THSD4: variants seen among roughly 807,000 people sequenced by gnomAD.
THSD4 encodes the protein thrombospondin type 1 domain containing 4.
THSD4 carries 69 observed loss-of-function variants against 119.0 expected under a neutral mutation model. The ratio of observed to expected loss-of-function variants is 0.58; its 90% confidence interval spans 0.48 to 0.71. The LOEUF (loss-of-function observed/expected upper bound fraction) is 0.71, where lower values mean the gene tolerates loss of function less well. Ranked by LOEUF, THSD4 falls within the 30% of genes least tolerant of loss-of-function variation. The probability of loss-of-function intolerance (pLI) is 0.00; values close to 1 mark genes in which losing one functional copy is unlikely to be tolerated. For synonymous variants in THSD4, 524 were observed against 540.4 expected (o/e 0.97, Z 0.42); for missense variants, 1,393 against 1,391.1 (o/e 1.00, Z -0.02).
At chr15:71,381,720 T>A (rs963368398) in intron 6 of THSD4, among the ~76,000 whole-genome samples, 1 of 152,200 alleles carries the variant, frequency 6.6e-6, no homozygotes, top group Non-Finnish European at 1.5e-5. Context: ...TTCTGTAGCA[T>A]AGAACATTTT....
At chr15:71,551,975 A>C (rs1417037120) in intron 7 of THSD4, among the ~76,000 whole-genome samples, 1 of 152,240 alleles carries the variant, frequency 6.6e-6, no homozygotes, top group Non-Finnish European at 1.5e-5. Flanking sequence ...CCTTGTAAGC[A>C]GATCTTTTCA....
intron 7 of THSD4, among the ~76,000 whole-genome samples, chr15:71,442,579 A>AAAAAATAT (rs1195413080): frequency 2.3e-4 from 9 of 39,860 alleles, no homozygotes; most frequent in East Asian, 1.8e-3. Context: ...AAAAAAAAAA[A>AAAAAATAT]ATATATATAT....
At chr15:71,404,850 T>C (rs553164983) in intron 6 of THSD4, among the ~76,000 whole-genome samples, 2 of 141,100 alleles carry the variant, frequency 1.4e-5, no homozygotes, top group East Asian at 3.9e-4. Flanking sequence ...TCTCTTTCTT[T>C]CTTTTCTTTC....
chr15:71,685,872 G>T (rs2051897833), intron 8 of THSD4, among the ~76,000 whole-genome samples: 1 of 152,068 alleles, frequency 6.6e-6, no homozygotes, highest in Non-Finnish European at 1.5e-5. Context: ...TATGGAAATA[G>T]GTTTAATCTC....
intron 4 of THSD4, among the ~76,000 whole-genome samples, chr15:71,222,431 G>A (rs2043982467): frequency 6.6e-6 from 1 of 152,196 alleles, no homozygotes; most frequent in Admixed American, 6.5e-5. Flanking sequence ...GGAATCTGGG[G>A]AATGGGATAT....
At chr15:71,718,785 T>C (rs2052660030) in intron 8 of THSD4, among the ~76,000 whole-genome samples, 1 of 152,072 alleles carries the variant, frequency 6.6e-6, no homozygotes, top group African/African-American at 2.4e-5. Context: ...TCATCCTCTG[T>C]CCGGTGACCC....
intron 5 of THSD4, 65 bp from the exon 6 acceptor site, chr15:71,256,548 G>T: frequency 7.7e-7 from 1 of 1,296,146 alleles, no homozygotes. Flanking sequence ...CCAGGGTTTG[G>T]AAATGTATCC....
chr15:71,777,701 A>G lies in THSD4; in HGVS notation c.*327A>G, dbSNP rs116274334. ...GCCCTGCTCCCATCTGGCACCTTCA[A>G]GTCAGCAGATGGGCCACTGACTGAG... On this transcript the variant is annotated 3_prime_UTR_variant, in exon 18 of 18. Transcript: ENST00000261862. The G allele has an allele frequency of 3.6e-4, 115 of 322,258 alleles. No individual in the cohort carries two copies. Among genetic ancestry groups the G allele is most frequent in the African/African-American group, 2.0e-3 (98 of 47,834 alleles). 20.0% of individuals were successfully genotyped at this position (322,258 alleles called of 1,614,324 possible).
chr15:71,504,706 A>G (rs1951019429), intron 7 of THSD4, among the ~76,000 whole-genome samples: 1 of 152,228 alleles, frequency 6.6e-6, no homozygotes. Context: ...CCTAGTGTTA[A>G]CGTCTTGTAT....
At chr15:71,665,691 G>A (rs1318062624) in intron 8 of THSD4, among the ~76,000 whole-genome samples, 15 of 152,136 alleles carry the variant, frequency 9.9e-5, no homozygotes, top group African/African-American at 3.4e-4. Flanking sequence ...TAAGCAAGGG[G>A]TCCAGTTTCA....
At chr15:71,273,205 C>T (rs1006227878) in intron 6 of THSD4, among the ~76,000 whole-genome samples, 2 of 152,186 alleles carry the variant, frequency 1.3e-5, no homozygotes, top group African/African-American at 4.8e-5. Context: ...GAATACGATT[C>T]AGCCTGAAAG....
chr15:71,180,386 A>G (rs2043505442), intron 3 of THSD4, among the ~76,000 whole-genome samples: 1 of 152,322 alleles, frequency 6.6e-6, no homozygotes, highest in Non-Finnish European at 1.5e-5. Flanking sequence ...CAATAAGCAC[A>G]TTAAAAGATG....
chr15:71,748,669 A>G, intron 14 of THSD4, 75 bp downstream of exon 14: 1 of 1,536,360 alleles, frequency 6.5e-7, no homozygotes, highest in Non-Finnish European at 8.8e-7. Context: ...AAGATGAGTC[A>G]CTAGCTCAGA....
chr15:71,583,658 G>C (rs945157013), intron 7 of THSD4, among the ~76,000 whole-genome samples: 7 of 151,918 alleles, frequency 4.6e-5, no homozygotes, highest in African/African-American at 1.7e-4. Context: ...TTTCTTCCTT[G>C]ATGGTTGTTC....
chr15:71,597,695 A>T (rs2049930702), intron 7 of THSD4, among the ~76,000 whole-genome samples: 1 of 152,198 alleles, frequency 6.6e-6, no homozygotes, highest in Non-Finnish European at 1.5e-5. Context: ...ACCCCCAAGT[A>T]TTGGATGACA....
intron 4 of THSD4, among the ~76,000 whole-genome samples, chr15:71,232,996 T>C (rs1419476673): frequency 6.6e-6 from 1 of 152,192 alleles, no homozygotes; most frequent in Non-Finnish European, 1.5e-5. Context: ...AAGATTGGAC[T>C]GGACATCATA....
At chr15:71,543,398 T>G (rs1291296363) in intron 7 of THSD4, among the ~76,000 whole-genome samples, 2 of 151,984 alleles carry the variant, frequency 1.3e-5, no homozygotes, top group Non-Finnish European at 2.9e-5. Flanking sequence ...GAAGAGATGA[T>G]GGAGGGCTGG....
intron 7 of THSD4, among the ~76,000 whole-genome samples, chr15:71,608,322 A>G (rs1003857580): frequency 6.6e-6 from 1 of 151,692 alleles, no homozygotes; most frequent in African/African-American, 2.4e-5. Context: ...AAGTAGAAAG[A>G]AGAAAATCCT....
intron 7 of THSD4, among the ~76,000 whole-genome samples, chr15:71,600,176 G>T (rs2049979750): frequency 6.6e-6 from 1 of 152,176 alleles, no homozygotes; most frequent in African/African-American, 2.4e-5. Flanking sequence ...TTAGTGTTCT[G>T]TGCAAGACTT....
Sources: gnomAD v4.1 joint callset for allele counts (sites outside exome capture counted in the v4.1 genomes callset) on GRCh38, gnomAD v4.1.1 for gene constraint, MANE v1.5 for transcripts, NCBI Gene and HGNC (gene_info 2026-07-23, HGNC 2026-07-21) for gene names.